The following SGTB variants were observed in gnomAD, a reference collection of about 807,000 sequenced individuals.
The protein encoded by SGTB is small glutamine rich tetratricopeptide repeat co-chaperone beta, also known as small glutamine-rich tetratricopeptide repeat-containing protein beta.
Under a neutral mutation model 43.9 loss-of-function variants are expected in SGTB, and 19 were observed. The ratio of observed to expected loss-of-function variants is 0.43; its 90% CI spans 0.30 to 0.63. The LOEUF is 0.63. Among genes scored for constraint, SGTB ranks in the 30% least tolerant of loss-of-function variants. The pLI is 0.12. For missense variants in SGTB, 304 were observed against 358.9 expected (o/e 0.85, Z 1.24); for synonymous variants, 116 against 117.3 (o/e 0.99, Z 0.07).
At position 65,698,953 on chromosome 5, in the gene SGTB, C is replaced by T. The variant is rs143485307; in HGVS notation, c.374+5326G>A. Among the ~76,000 whole-genome samples, 393 of 152,218 alleles carry T rather than the reference C, an allele frequency of 2.6e-3. 3 individuals carry two copies. The highest frequency in any genetic ancestry group is 8.8e-3 in the African/African-American group (365 of 41,536). ...TAGTGGAAATGTAAATTAATACAACCTATATGGAAAACAGTATGGAGATTT... is the reference window on the plus strand; with the variant it reads ...TAGTGGAAATGTAAATTAATACAACTTATATGGAAAACAGTATGGAGATTT... On this transcript the variant is annotated intron_variant, in intron 5 of 10. Coordinates refer to ENST00000381007, the MANE Select transcript of SGTB (RefSeq NM_019072.3).
At chr5:65,691,199 C>A (rs1757600760) in intron 5 of SGTB, among the ~76,000 whole-genome samples, 1 of 152,144 alleles carries the variant, frequency 6.6e-6, no homozygotes, top group African/African-American at 2.4e-5. Flanking sequence ...TTCAAAAAAT[C>A]AATTTCCTAG....
chr5:65,698,292 G>T (rs1056201356), intron 5 of SGTB, among the ~76,000 whole-genome samples: 15 of 152,174 alleles, frequency 9.9e-5, no homozygotes, highest in Admixed American at 6.5e-5. Flanking sequence ...TGATATGCAT[G>T]CTAAGTATTT....
At chr5:65,676,253 G>A (rs951660191) in intron 8 of SGTB, among the ~76,000 whole-genome samples, 3 of 151,956 alleles carry the variant, frequency 2.0e-5, no homozygotes, top group East Asian at 3.9e-4. Context: ...GGAAGCAGAG[G>A]TTGCAGTGAG....
At chr5:65,685,562 T>G in intron 5 of SGTB, 90 bp from the exon 6 acceptor site, 1 of 1,004,528 alleles carries the variant, frequency 1.0e-6, no homozygotes, top group Non-Finnish European at 1.5e-6. Context: ...CTTTTTCTTG[T>G]TCCAATTTGT....
intron 6 of SGTB, among the ~76,000 whole-genome samples, chr5:65,683,096 AT>A (rs1757430500): frequency 1.3e-5 from 2 of 152,164 alleles, no homozygotes; most frequent in South Asian, 4.2e-4. Context: ...TGTCTCATAA[AT>A]ATATTTTCTC....
At chr5:65,688,034 G>T (rs1373861175) in intron 5 of SGTB, among the ~76,000 whole-genome samples, 2 of 152,164 alleles carry the variant, frequency 1.3e-5, no homozygotes, top group Non-Finnish European at 2.9e-5. Context: ...CTCCCCAAGT[G>T]CTGGGATTAC....
At chr5:65,672,326 T>C in intron 8 of SGTB, 45 bp from the exon 9 acceptor site, 1 of 1,587,756 alleles carries the variant, frequency 6.3e-7, no homozygotes, top group Non-Finnish European at 8.5e-7. Context: ...AGTTAATATG[T>C]AGGGATCTTA....
chr5:65,680,830 G>C, intron 6 of SGTB, 36 bp from the exon 7 acceptor site: 2 of 1,594,256 alleles, frequency 1.3e-6, no homozygotes, highest in Non-Finnish European at 1.7e-6. Context: ...TCAGATATAT[G>C]ATTAAAGAAC....
At chr5:65,689,432 T>C (rs1288272017) in intron 5 of SGTB, among the ~76,000 whole-genome samples, 1 of 152,232 alleles carries the variant, frequency 6.6e-6, no homozygotes, top group Admixed American at 6.5e-5. Context: ...TTGTCTGACA[T>C]GCAAATCTTT....
intron 7 of SGTB, 49 bp from the exon 8 acceptor site, chr5:65,680,605 T>C (rs1399253321): frequency 1.2e-6 from 2 of 1,613,500 alleles, no homozygotes; most frequent in South Asian, 2.2e-5. Context: ...ACAATTACAA[T>C]AAATTGTGAA....
upstream of SGTB, chr5:65,722,170 A>AGACACGCGG (rs1758314328): frequency 4.0e-6 from 1 of 246,974 alleles, no homozygotes; most frequent in Non-Finnish European, 7.6e-6. Context: ...CAGACACGCG[A>AGACACGCGG]GCTGGGGCGG....
At chr5:65,676,646 T>C (rs149303) in intron 8 of SGTB, among the ~76,000 whole-genome samples, 97,842 of 151,888 alleles carry the variant, frequency 0.64, 31,877 homozygotes, top group African/African-American at 0.7. Flanking sequence ...CATCACCACA[T>C]GGCACTCAAT....
chr5:65,701,968 T>C (rs1757834292), intron 5 of SGTB, among the ~76,000 whole-genome samples: 1 of 152,204 alleles, frequency 6.6e-6, no homozygotes, highest in East Asian at 1.9e-4. Flanking sequence ...CATTAAAAAT[T>C]TAGTTCCTCA....
At chr5:65,701,351 A>G (rs1210316274) in intron 5 of SGTB, among the ~76,000 whole-genome samples, 1 of 152,184 alleles carries the variant, frequency 6.6e-6, no homozygotes, top group East Asian at 1.9e-4. Flanking sequence ...TAATGCCAGT[A>G]ACCAAAACAG....
chr5:65,704,035 C>CAAAAAA (rs11405488), intron 5 of SGTB, among the ~76,000 whole-genome samples: 2,173 of 132,978 alleles, frequency 0.016, 20 homozygotes, highest in South Asian at 0.043. Context: ...GACTCCGTCT[C>CAAAAAA]AAAAAAAAAA....
chr5:65,670,768 T>A (rs1459469020), intron 10 of SGTB, among the ~76,000 whole-genome samples: 1 of 152,184 alleles, frequency 6.6e-6, no homozygotes, highest in Non-Finnish European at 1.5e-5. Flanking sequence ...TTAAAAACAC[T>A]AAGAAGTTTA....
chr5:65,719,017 G>C (rs1451081774), intron 2 of SGTB, among the ~76,000 whole-genome samples: 2 of 152,126 alleles, frequency 1.3e-5, no homozygotes, highest in African/African-American at 4.8e-5. Context: ...TTTTCACATA[G>C]TCTAATCATC....
rs975383572 is a variant in SGTB at position 65,665,948 on chromosome 5, T to C, written c.*4298A>G. 3 of 152,612 alleles carry C rather than the reference T, an allele frequency of 2.0e-5. No individual in the cohort carries two copies. The highest frequency in any genetic ancestry group is 2.9e-5 in the Non-Finnish European group (2 of 67,992). 9.5% of individuals were successfully genotyped at this position (152,612 alleles called of 1,614,324 possible). A position where few individuals can be genotyped will look rare whatever the true frequency, so the allele number is the denominator to read the frequency against. On this transcript the variant is annotated 3_prime_UTR_variant, in exon 11 of 11. Transcript: ENST00000381007. Reference sequence around the variant, plus strand: ...AAAAATTGGTTTTTCAATGCATCATTATTTATTGCCATAACAAATTGTTTG... The same window carrying C: ...AAAAATTGGTTTTTCAATGCATCATCATTTATTGCCATAACAAATTGTTTG...
At chr5:65,722,454 G>A, upstream of SGTB, 2 of 1,550,810 alleles carry the variant, frequency 1.3e-6, no homozygotes, top group South Asian at 1.2e-5. Context: ...CGTGGGCAGG[G>A]CGGGGTCTTT....
Sources: gnomAD v4.1 joint callset for allele counts (sites outside exome capture counted in the v4.1 genomes callset) on GRCh38, gnomAD v4.1.1 for gene constraint, MANE v1.5 for transcripts, NCBI Gene and HGNC (gene_info 2026-07-23, HGNC 2026-07-21) for gene names.